The following ASB3 variants were observed in gnomAD, a reference collection of about 807,000 sequenced individuals.
The protein encoded by ASB3 is ankyrin repeat and SOCS box protein 3.
ASB3 carries 41 observed loss-of-function variants against 54.5 expected under a neutral mutation model. The observed-to-expected ratio is 0.75, with a 90% confidence interval of 0.59 to 0.98. The LOEUF (loss-of-function observed/expected upper bound fraction) is 0.98, where lower values mean the gene tolerates loss of function less well. Among genes scored for constraint, ASB3 ranks in the 50% least tolerant of loss-of-function variants. The pLI, the probability that ASB3 is intolerant of heterozygous loss-of-function variation, is 0.00. For synonymous variants in ASB3, 266 were observed against 221.2 expected (o/e 1.20, Z -1.80); for missense variants, 733 against 620.0 (o/e 1.18, Z -1.94).
chr2:53,722,642 CA>C (rs1367400195), intron 5 of ASB3, among the ~76,000 whole-genome samples: 5 of 151,978 alleles, frequency 3.3e-5, no homozygotes, highest in African/African-American at 1.2e-4. Context: ...ATGATAAAAA[CA>C]AAACAAACAA....
At chr2:53,722,436 T>C (rs1411783521) in intron 5 of ASB3, among the ~76,000 whole-genome samples, 1 of 152,084 alleles carries the variant, frequency 6.6e-6, no homozygotes, top group African/African-American at 2.4e-5. Context: ...AACAAAATAT[T>C]AGCAAATTAA....
chr2:53,745,989 T>C (rs545317243), intron 3 of ASB3, among the ~76,000 whole-genome samples: 1 of 152,296 alleles, frequency 6.6e-6, no homozygotes, highest in East Asian at 1.9e-4. Flanking sequence ...CAGGAATCAC[T>C]ATATGGTTAT....
chr2:53,760,420 G>T (rs1301557730), intron 2 of ASB3, among the ~76,000 whole-genome samples: 1 of 152,094 alleles, frequency 6.6e-6, no homozygotes, highest in Non-Finnish European at 1.5e-5. Context: ...GAACCGCCAA[G>T]CAGATATTGA....
intron 5 of ASB3, among the ~76,000 whole-genome samples, chr2:53,723,907 A>G (rs962066474): frequency 2.6e-5 from 4 of 152,322 alleles, no homozygotes; most frequent in African/African-American, 9.6e-5. Flanking sequence ...CTGGAACCCT[A>G]TCTTTCACTA....
At chr2:53,785,982 A>AT (rs397799356) in intron 1 of ASB3, among the ~76,000 whole-genome samples, 3 of 152,126 alleles carry the variant, frequency 2.0e-5, no homozygotes, top group African/African-American at 2.4e-5. Context: ...TTAAAAAAAA[A>AT]TTTTTAAGAT....
At chr2:53,717,315 A>C (rs1395723129) in intron 5 of ASB3, among the ~76,000 whole-genome samples, 2 of 152,216 alleles carry the variant, frequency 1.3e-5, no homozygotes, top group Non-Finnish European at 2.9e-5. Context: ...GCTAAGATTT[A>C]TGAAAAATTA....
chr2:53,676,110 C>A (rs1307565264), intron 9 of ASB3, among the ~76,000 whole-genome samples: 6 of 152,124 alleles, frequency 3.9e-5, no homozygotes, highest in East Asian at 1.9e-4. Context: ...CTTAAGGGTT[C>A]TTTTATATAT....
chr2:53,751,284 T>C (rs1672496243), intron 2 of ASB3, among the ~76,000 whole-genome samples: 1 of 152,198 alleles, frequency 6.6e-6, no homozygotes, highest in Non-Finnish European at 1.5e-5. Flanking sequence ...AAACAGAATT[T>C]ATCGAAATAT....
At chr2:53,747,519 C>A (rs756158181) in intron 3 of ASB3, among the ~76,000 whole-genome samples, 31 of 152,198 alleles carry the variant, frequency 2.0e-4, no homozygotes, top group Admixed American at 5.9e-4. Flanking sequence ...GCACTCCAGG[C>A]TGGACAACGA....
In ASB3 at chr2:53,716,562, T is replaced by G; in HGVS notation, c.782+4A>C. On this transcript the variant is annotated splice_donor_region_variant and intron_variant, in intron 6 of 9. Coordinates refer to ENST00000263634, the MANE Select transcript of ASB3 (RefSeq NM_016115.5). ...CATGTTTATTTTCTGTTTTTAACAC[T>G]TACTTTGTATGGCCCATTTGTGCAG... 6.2e-7 allele frequency: 1 copy of G among 1,608,708 alleles called. No homozygotes were observed. Among genetic ancestry groups the G allele is most frequent in the Non-Finnish European group, 8.5e-7 (1 of 1,176,922 alleles).
intron 1 of ASB3, chr2:53,767,908 T>C (rs1490506663): frequency 6.2e-7 from 1 of 1,612,978 alleles, no homozygotes. Flanking sequence ...TGGTTACGGG[T>C]CCCTGATCTG....
rs1012059016 is a variant in ASB3, at chr2:53,670,563, G to A, written c.1497C>T (p.Leu499=). 2 of 1,613,788 alleles carry A rather than the reference G, an allele frequency of 1.2e-6. No homozygotes were observed. Among genetic ancestry groups the A allele is most frequent in the Non-Finnish European group, 1.7e-6 (2 of 1,179,970 alleles). Residue 499 remains leucine, a synonymous_variant, in exon 10 of 10, where the codon CTC becomes CTT. Coordinates refer to ENST00000263634, the MANE Select transcript of ASB3 (RefSeq NM_016115.5). ...CATACATCCTCAGAACGTCTTCATAGAGCAAATAATTATGTAGGCTTCTGG... is the reference window on the plus strand; with the variant it reads ...CATACATCCTCAGAACGTCTTCATAAAGCAAATAATTATGTAGGCTTCTGG... ...PLPRSLHNYL[L]YEDVLRMYEV...
At chr2:53,709,354 T>C (rs1207928955) in intron 7 of ASB3, among the ~76,000 whole-genome samples, 5 of 152,148 alleles carry the variant, frequency 3.3e-5, no homozygotes, top group Admixed American at 6.5e-5. Context: ...AATTTAAGAG[T>C]TGAGGTTTGG....
intron 8 of ASB3, chr2:53,694,420 T>G (rs1669078320): frequency 6.3e-6 from 1 of 158,146 alleles, no homozygotes; most frequent in African/African-American, 2.4e-5. Context: ...ACACCCCAAG[T>G]TATCCCTAAA....
intron 3 of ASB3, among the ~76,000 whole-genome samples, chr2:53,730,183 G>C (rs926291496): frequency 9.9e-5 from 15 of 152,142 alleles, no homozygotes; most frequent in Non-Finnish European, 2.2e-4. Context: ...TATGAAGGTG[G>C]CACTAATTAT....
In ASB3 at chr2:53,744,442, T is replaced by C. The variant is rs1168195939; in HGVS notation, c.355+6341A>G. ...AACATAGGTGTAATATAAAGTTGTA[T>C]CAAGAACCATAAAACTAAAAAAACA... On this transcript the variant is annotated intron_variant, in intron 3 of 9. Coordinates refer to ENST00000263634, the MANE Select transcript of ASB3 (RefSeq NM_016115.5). Among the ~76,000 whole-genome samples, 3 of 151,370 alleles carry C rather than the reference T, an allele frequency of 2.0e-5. No homozygotes were observed. In the Admixed American group the frequency reaches 2.0e-4, roughly 10 times the overall value.
chr2:53,769,838 G>A (rs917364125), intron 1 of ASB3, among the ~76,000 whole-genome samples: 5 of 151,546 alleles, frequency 3.3e-5, no homozygotes, highest in East Asian at 1.9e-4. Flanking sequence ...GTGAAATTCC[G>A]TCTCAAAAAA....
intron 8 of ASB3, chr2:53,694,317 C>T (rs1000110081): frequency 1.2e-5 from 3 of 249,294 alleles, no homozygotes; most frequent in Admixed American, 5.2e-5. Flanking sequence ...GTGGATTTGC[C>T]ATTATTTCCT....
intron 1 of ASB3, chr2:53,774,368 A>G (rs1334250435): frequency 6.2e-7 from 1 of 1,613,562 alleles, no homozygotes; most frequent in East Asian, 2.2e-5. Context: ...CAAATTTTTA[A>G]TGCAGCTGGT....
Sources: gnomAD v4.1 joint callset for allele counts (sites outside exome capture counted in the v4.1 genomes callset) on GRCh38, gnomAD v4.1.1 for gene constraint, MANE v1.5 for transcripts, NCBI Gene and HGNC (gene_info 2026-07-23, HGNC 2026-07-21) for gene names.